XIRP1: variants seen among roughly 807,000 people sequenced by gnomAD.
The protein encoded by XIRP1 is xin actin binding repeat containing 1, also known as xin actin-binding repeat-containing protein 1.
For missense variants in XIRP1, 2,378 were observed against 2,345.4 expected, an observed-to-expected ratio of 1.01 and a Z score of -0.29; for synonymous variants, 984 against 947.0, an observed-to-expected ratio of 1.04 and a Z score of -0.72.
Position 39,187,614 on chromosome 3 carries a change from C to T in XIRP1, c.1832G>A (p.Gly611Glu), listed in dbSNP as rs369303207. Residue 611 changes from glycine (G) to glutamate (E), a missense_variant, in exon 2 of 2, where the codon GGG becomes GAG. Physicochemically the swap from Gly to Glu is moderately conservative, Grantham distance 98. Transcript: ENST00000340369. The part of the protein sequence containing the change: ...CPMSELAEKQ[G>E]SEVTDPTAKA... Reference sequence around the variant, plus strand: ...GGCTGTGGGATCTGTGACCTCTGACCCCTGCTTTTCGGCCAACTCACTCAT... The same window carrying T: ...GGCTGTGGGATCTGTGACCTCTGACTCCTGCTTTTCGGCCAACTCACTCAT... 13 of 1,614,004 alleles carry T rather than the reference C, an allele frequency of 8.1e-6. No individual in the cohort carries two copies. The highest frequency in any genetic ancestry group is 1.3e-5 in the African/African-American group (1 of 74,932).
chr3:39,188,247 C>T lies in XIRP1; in HGVS notation c.1199G>A (p.Gly400Asp), dbSNP rs756665044. 19 of 1,614,080 alleles carry T rather than the reference C, an allele frequency of 1.2e-5. No homozygotes were observed. In the South Asian group the frequency reaches 1.6e-4, roughly 14 times the overall value. ...CTGGGGATCCACTCGCTGTAGGTGA[C>T]CCACTTGGACCTTGTCTCTGAAAGC... ...LDAFRDKVQV[G>D]HLQRVDPQDG... Residue 400 changes from glycine (G) to aspartate (D), a missense_variant, in exon 2 of 2, where the codon GGT (glycine) becomes GAT (aspartate). Transcript: ENST00000340369.
In XIRP1 at chr3:39,187,064, G is replaced by GGCCTCCATGAGGAT. The variant is rs1376828567; in HGVS notation, c.2368_2381dup (p.Arg795SerfsTer71). On this transcript the variant is annotated frameshift_variant, in exon 2 of 2. Coordinates refer to ENST00000340369, the MANE Select transcript of XIRP1 (RefSeq NM_194293.4). LOFTEE classifies it low-confidence loss of function (END_TRUNC). The stretch of plus-strand genomic sequence containing the variant: ...CAAGACAGAGCTCCCCTGGCCCTCG[G>GGCCTCCATGAGGAT]GCCTCCATGAGGATGCCTCCATGGT... 1 of 1,612,766 alleles carries GGCCTCCATGAGGAT rather than the reference G, an allele frequency of 6.2e-7. No individual in the cohort carries two copies. The highest frequency in any genetic ancestry group is 1.3e-5 in the African/African-American group (1 of 74,908).
chr3:39,189,583 C>T (rs2040059189), intron 1 of XIRP1, 58 bp from the exon 2 acceptor site: 1 of 1,318,108 alleles, frequency 7.6e-7, no homozygotes, highest in East Asian at 2.4e-5. Context: ...GTGACTTACG[C>T]TTAGAGACTC....
In XIRP1 at chr3:39,185,475, G is replaced by A. The variant is rs769089308; in HGVS notation, c.3971C>T (p.Pro1324Leu). 8.9e-6 allele frequency: 14 copies of A among 1,572,744 alleles called. No individual in the cohort carries two copies. Among genetic ancestry groups the A allele is most frequent in the Admixed American group, 3.6e-5 (2 of 54,922 alleles). Residue 1324 changes from proline (P) to leucine (L), a missense_variant, in exon 2 of 2, where the codon CCG (proline) becomes CTG (leucine). Coordinates refer to ENST00000340369, the MANE Select transcript of XIRP1 (RefSeq NM_194293.4). ...GTGTGCAGGTTTAGGGGGCAGCTGC[G>A]GCTTCTTCTTTGGGGGCATGGTGGG... Reference protein sequence around the residue: ...LDPTMPPKKKPQLPPKPAHLT... With the variant: ...LDPTMPPKKKLQLPPKPAHLT...
At chr3:39,190,378 G>A (rs2040070813) in intron 1 of XIRP1, among the ~76,000 whole-genome samples, 1 of 152,064 alleles carries the variant, frequency 6.6e-6, no homozygotes, top group African/African-American at 2.4e-5. Context: ...GAAATAAGAG[G>A]GTAGCAGGTG....
chr3:39,188,814 T>C lies in XIRP1; in HGVS notation c.632A>G (p.Glu211Gly), dbSNP rs754193867. 8 of 1,613,240 alleles carry C rather than the reference T, an allele frequency of 5.0e-6. No individual in the cohort carries two copies. The highest frequency in any genetic ancestry group is 6.8e-6 in the Non-Finnish European group (8 of 1,180,046). Reference sequence around the variant, plus strand: ...TGAGCGCAGTTCCAAGGGGCTCTGCTCCTGCAGGGAGGGGCGGGAGCCCAG... The same window carrying C: ...TGAGCGCAGTTCCAAGGGGCTCTGCCCCTGCAGGGAGGGGCGGGAGCCCAG... ...DRLGSRPSLQ[E>G]QSPLELRSEI... Residue 211 changes from glutamate to glycine, a missense_variant, in exon 2 of 2, where the codon GAG becomes GGG. Transcript: ENST00000340369.
In XIRP1 at chr3:39,186,365, C is replaced by T; in HGVS notation, c.3081G>A (p.Gln1027=). 3 of 1,614,242 alleles carry T rather than the reference C, an allele frequency of 1.9e-6. No homozygotes were observed. Among genetic ancestry groups the T allele is most frequent in the Non-Finnish European group, 2.5e-6 (3 of 1,180,052 alleles). Residue 1027 remains glutamine (Q), a synonymous_variant, in exon 2 of 2, where the codon CAG becomes CAA. Coordinates refer to ENST00000340369, the MANE Select transcript of XIRP1 (RefSeq NM_194293.4). ...TEKQEDSHSG[Q]KGMAVLGKSE... Reference sequence around the variant, plus strand: ...ACTTTCCCAAGACTGCCATCCCTTTCTGTCCAGAGTGACTGTCTTCCTGCT... The same window carrying T: ...ACTTTCCCAAGACTGCCATCCCTTTTTGTCCAGAGTGACTGTCTTCCTGCT...
At position 39,186,679 on chromosome 3, in the gene XIRP1, T is replaced by C. The variant is rs751656773; in HGVS notation, c.2767A>G (p.Arg923Gly). The change falls in exon 2 of 2, where the codon AGG (arginine) becomes GGG (glycine). Residue 923 changes from arginine to glycine, a missense_variant. Physicochemically the swap from Arg to Gly is moderately radical, Grantham distance 125. Transcript: ENST00000340369. Reference sequence around the variant, plus strand: ...CTGGCCAACAGCTGCACGCTGCTCCTCTCAGAGGCCTTGCTAGTTAGCCGG... The same window carrying C: ...CTGGCCAACAGCTGCACGCTGCTCCCCTCAGAGGCCTTGCTAGTTAGCCGG... ...QPRLTSKASE[R>G]SSVQLLASCI... The C allele has an allele frequency of 6.2e-7, 1 of 1,613,898 alleles. No homozygotes were observed. The highest frequency in any genetic ancestry group is 1.7e-5 in the Admixed American group (1 of 60,026).
rs1575180558 is a variant in XIRP1 at position 39,186,822 on chromosome 3, T to A, written c.2624A>T (p.Asp875Val). ...PGSSGNIEDM[D>V]PELQQLLACG... ...AGCCAGCAGCTGCTGGAGCTCAGGG[T>A]CCATGTCTTCAATATTCCCACTGCT... Residue 875 changes from aspartate to valine, a missense_variant, in exon 2 of 2, where the codon GAC becomes GTC. Transcript: ENST00000340369. 4 of 1,613,690 alleles carry A rather than the reference T, an allele frequency of 2.5e-6. No individual in the cohort carries two copies. The East Asian group carries it at 8.9e-5, about 36-fold the overall frequency.
chr3:39,184,665 G>A lies in XIRP1; in HGVS notation c.4781C>T (p.Ala1594Val). 6.2e-7 allele frequency: 1 copy of A among 1,614,070 alleles called. No homozygotes were observed. The highest frequency in any genetic ancestry group is 8.5e-7 in the Non-Finnish European group (1 of 1,179,974). The change falls in exon 2 of 2, where the codon GCC becomes GTC. Residue 1594 changes from alanine (A) to valine (V), a missense_variant. Ala to Val is a moderately conservative substitution (Grantham distance 64). Transcript: ENST00000340369. Reference sequence around the variant, plus strand: ...CTCCTGGCCTGAGCCACTGGGCCTGGCGCTACTGCTGACTGTGACACTGAT... The same window carrying A: ...CTCCTGGCCTGAGCCACTGGGCCTGACGCTACTGCTGACTGTGACACTGAT... ...HKISVTVSSS[A>V]RPSGSGQEVG... is the part of the protein sequence containing the mutation.
Position 39,188,498 on chromosome 3 carries a change from CA to C in XIRP1, c.947del (p.Leu316ArgfsTer9), listed in dbSNP as rs1425351172. ...CTACCAAGATCTCCCGGATGGCATC[CA>C]GGGGCTGTGTCTCAAAGATCCAGCG... ...ATRWIFETQP[L>X]DAIREILVDE... On this transcript the variant is annotated frameshift_variant, in exon 2 of 2. Coordinates refer to ENST00000340369, the MANE Select transcript of XIRP1 (RefSeq NM_194293.4). LOFTEE classifies it low-confidence loss of function (END_TRUNC). The C allele has an allele frequency of 6.2e-7, 1 of 1,604,812 alleles. No individual in the cohort carries two copies. The highest frequency in any genetic ancestry group is 1.1e-5 in the South Asian group (1 of 90,632).
chr3:39,191,596 T>C (rs145856536), intron 1 of XIRP1, among the ~76,000 whole-genome samples: 23 of 152,296 alleles, frequency 1.5e-4, no homozygotes, highest in Non-Finnish European at 2.8e-4. Flanking sequence ...ACCACCATCT[T>C]TGCCTGGCTT....
In XIRP1 at chr3:39,187,687, G is replaced by T; in HGVS notation, c.1759C>A (p.Pro587Thr). The T allele has an allele frequency of 6.2e-7, 1 of 1,614,032 alleles. No homozygotes were observed. Among genetic ancestry groups the T allele is most frequent in the Non-Finnish European group, 8.5e-7 (1 of 1,180,032 alleles). Residue 587 changes from proline (P) to threonine (T), a missense_variant, in exon 2 of 2, where the codon CCA becomes ACA. By Grantham distance (38) the Pro-to-Thr change is conservative. Coordinates refer to ENST00000340369, the MANE Select transcript of XIRP1 (RefSeq NM_194293.4). ...CGGATGGTCTGCACATCGCCCTTTG[G>T]GGGTGCCTCAGGCTGGGGGTCTCCC... ...SQGDPQPEAP[P>T]KGDVQTIRWL...
In XIRP1 at chr3:39,184,013, C is replaced by G; in HGVS notation, c.5433G>C (p.Leu1811=). 6.2e-7 allele frequency: 1 copy of G among 1,613,048 alleles called. No individual in the cohort carries two copies. Among genetic ancestry groups the G allele is most frequent in the Non-Finnish European group, 8.5e-7 (1 of 1,179,720 alleles). The change falls in exon 2 of 2, where the codon CTG becomes CTC. Residue 1811 remains leucine (L), a synonymous_variant. Transcript: ENST00000340369. The part of the protein sequence containing the change: ...SHLGLHASPL[L]RQFLHSPAGF... Reference sequence around the variant, plus strand: ...CAGCTGGGCTGTGCAGGAACTGCCTCAGCAAGGGGGAGGCGTGGAGCCCGA... The same window carrying G: ...CAGCTGGGCTGTGCAGGAACTGCCTGAGCAAGGGGGAGGCGTGGAGCCCGA...
At position 39,186,575 on chromosome 3, in the gene XIRP1, G is replaced by A; in HGVS notation, c.2871C>T (p.Ala957=). 1 of 1,611,208 alleles carries A rather than the reference G, an allele frequency of 6.2e-7. No individual in the cohort carries two copies. Among genetic ancestry groups the A allele is most frequent in the Non-Finnish European group, 8.5e-7 (1 of 1,178,300 alleles). ...GGTGCAGGCTCTGGGCCCCCTCGCT[G>A]GCTGGCACTGGACTCGGGTCAGCCG... ...EPPADPSPVP[A]SEGAQSLHPT... Residue 957 remains alanine (A), a synonymous_variant, in exon 2 of 2, where the codon GCC becomes GCT. Transcript: ENST00000340369.
rs368445063 is a variant in XIRP1 at position 39,188,231 on chromosome 3, C to T, written c.1215G>A (p.Val405=). 9.9e-6 allele frequency: 16 copies of T among 1,614,082 alleles called. No homozygotes were observed. The African/African-American group carries it at 1.7e-4, about 18-fold the overall frequency. ...DKVQVGHLQR[V]DPQDGEGHLS... ...GATGCCCCTCACCGTCCTGGGGATC[C>T]ACTCGCTGTAGGTGACCCACTTGGA... The change falls in exon 2 of 2, where the codon GTG becomes GTA. Residue 405 remains valine, a synonymous_variant. Transcript: ENST00000340369.
Position 39,186,594 on chromosome 3 carries a change from T to G in XIRP1, c.2852A>C (p.Asp951Ala), listed in dbSNP as rs1575180259. Residue 951 changes from aspartate (D) to alanine (A), a missense_variant, in exon 2 of 2, where the codon GAC becomes GCC. Physicochemically the swap from Asp to Ala is moderately radical, Grantham distance 126. Coordinates refer to ENST00000340369, the MANE Select transcript of XIRP1 (RefSeq NM_194293.4). ...LHSLRWEPPADPSPVPASEGA... is the reference protein window; with the variant it reads ...LHSLRWEPPAAPSPVPASEGA... ...CTCGCTGGCTGGCACTGGACTCGGG[T>G]CAGCCGGGGGCTCCCACCGCAGACT... 1 of 1,609,920 alleles carries G rather than the reference T, an allele frequency of 6.2e-7. No homozygotes were observed. The highest frequency in any genetic ancestry group is 8.5e-7 in the Non-Finnish European group (1 of 1,177,588).
Position 39,185,700 on chromosome 3 carries a change from G to C in XIRP1, c.3746C>G (p.Pro1249Arg). The change falls in exon 2 of 2, where the codon CCC becomes CGC. Residue 1249 changes from proline to arginine, a missense_variant. Pro to Arg is a moderately radical substitution (Grantham distance 103). Coordinates refer to ENST00000340369, the MANE Select transcript of XIRP1 (RefSeq NM_194293.4). ...AGGAGGAGGAACAAAGGCATTATGG[G>C]GGTGCGGGCTGGCACCTGCAGCTTG... ...GPQAAGASPHPHNAFVPPPPT... is the reference protein window; with the variant it reads ...GPQAAGASPHRHNAFVPPPPT... 1 of 1,612,540 alleles carries C rather than the reference G, an allele frequency of 6.2e-7. No homozygotes were observed. Among genetic ancestry groups the C allele is most frequent in the East Asian group, 2.2e-5 (1 of 44,872 alleles).
Position 39,187,524 on chromosome 3 carries a change from G to A in XIRP1, c.1922C>T (p.Ser641Phe). Residue 641 changes from serine (S) to phenylalanine (F), a missense_variant, in exon 2 of 2, where the codon TCC becomes TTC. Physicochemically the swap from Ser to Phe is radical, Grantham distance 155. Coordinates refer to ENST00000340369, the MANE Select transcript of XIRP1 (RefSeq NM_194293.4). ...KPQPVDRPVG[S>F]REQHLQVSQV... ...GCTAACCTGCAGGTGCTGCTCCCTG[G>A]AGCCCACTGGCCTGTCCACAGGTTG... 6.2e-7 allele frequency: 1 copy of A among 1,613,992 alleles called. No individual in the cohort carries two copies. Among genetic ancestry groups the A allele is most frequent in the Non-Finnish European group, 8.5e-7 (1 of 1,180,042 alleles).
Sources: allele counts gnomAD v4.1 joint callset (sites outside exome capture counted in the v4.1 genomes callset), GRCh38; gene constraint gnomAD v4.1.1; transcripts MANE v1.5; gene names NCBI Gene and HGNC (gene_info 2026-07-23, HGNC 2026-07-21).